NTRK1: variants seen among roughly 807,000 people sequenced by gnomAD.
NTRK1 encodes high affinity nerve growth factor receptor.
NTRK1 carries 62 observed loss-of-function variants against 86.8 expected under a neutral mutation model. The ratio of observed to expected loss-of-function variants is 0.71; its 90% CI spans 0.58 to 0.88. The LOEUF (loss-of-function observed/expected upper bound fraction) is 0.88. NTRK1 is among the 40% of genes least tolerant of loss of function. The pLI is 0.00. For synonymous variants in NTRK1, 469 were observed against 456.6 expected, an observed-to-expected ratio of 1.03 and a Z score of -0.35; for missense variants, 967 against 1,078.4, an observed-to-expected ratio of 0.90 and a Z score of 1.45.
At position 156,876,148 on chromosome 1, in the gene NTRK1, G is replaced by T; in HGVS notation, c.1570G>T (p.Val524Phe). The T allele has an allele frequency of 6.2e-7, 1 of 1,614,174 alleles. No individual in the cohort carries two copies. Among genetic ancestry groups the T allele is most frequent in the Non-Finnish European group, 8.5e-7 (1 of 1,180,024 alleles). The change falls in exon 13 of 17, where the codon GTC becomes TTC. Residue 524 changes from valine to phenylalanine, a missense_variant. By Grantham distance (50) the Val-to-Phe change is conservative. This residue lies in a region of NTRK1 where 637 missense variants were observed against 776.5 expected (regional missense o/e 0.82). Coordinates refer to ENST00000524377, the MANE Select transcript of NTRK1 (RefSeq NM_002529.4). The part of the protein sequence containing the change: ...WELGEGAFGK[V>F]FLAECHNLLP... The stretch of plus-strand genomic sequence containing the variant: ...GCTGGGGGAGGGCGCCTTTGGGAAG[G>T]TCTTCCTTGCTGAGTGCCACAACCT...
upstream of NTRK1, chr1:156,858,554 C>T (rs1655493259): frequency 1.9e-6 from 3 of 1,613,860 alleles, no homozygotes; most frequent in Non-Finnish European, 2.5e-6. Context: ...TGTATCCAGG[C>T]CAAATCCCAA....
chr1:156,827,304 C>G lies in NTRK1; in HGVS notation c.-64+11466C>G, dbSNP rs1303696023. On this transcript the variant is annotated intron_variant, in intron 1 of 16. Coordinates refer to the NTRK1 transcript ENST00000392302. ...TGAGACAGAGTCTCACTCTGTCACC[C>G]AGGCTGGAGTGCAGTGGTGCTATCT... Among the ~76,000 whole-genome samples the G allele has an allele frequency of 2.0e-5, 3 of 151,948 alleles. No individual in the cohort carries two copies. In the East Asian group the frequency reaches 5.8e-4, roughly 29 times the overall value.
Position 156,873,684 on chromosome 1 carries a change from T to C in NTRK1, c.902T>C (p.Ile301Thr). 6.2e-7 allele frequency: 1 copy of C among 1,610,514 alleles called. No homozygotes were observed. Among genetic ancestry groups the C allele is most frequent in the Non-Finnish European group, 8.5e-7 (1 of 1,179,296 alleles). ...GCGGTGGAGATGCACCACTGGTGCA[T>C]CCCCTTCTCTGTGGATGGGCAGCCG... ...HTAVEMHHWC[I>T]PFSVDGQPAP... The change falls in exon 8 of 17, where the codon ATC becomes ACC. Residue 301 changes from isoleucine to threonine, a missense_variant. Ile to Thr is a moderately conservative substitution (Grantham distance 89, BLOSUM62 -1). Coordinates refer to ENST00000524377, the MANE Select transcript of NTRK1 (RefSeq NM_002529.4).
At chr1:156,844,412 C>A in intron 2 of NTRK1, 2 of 1,589,810 alleles carry the variant, frequency 1.3e-6, no homozygotes, top group South Asian at 1.1e-5. Flanking sequence ...GGGCTGGGGA[C>A]CAGGTAGGGC....
At chr1:156,825,539 G>A (rs1654295752) in intron 1 of NTRK1, among the ~76,000 whole-genome samples, 1 of 152,148 alleles carries the variant, frequency 6.6e-6, no homozygotes, top group African/African-American at 2.4e-5. Flanking sequence ...AAACTGATGA[G>A]TTTTAGGTTT....
At chr1:156,816,825 C>T (rs193016330) in intron 1 of NTRK1, 17 of 953,752 alleles carry the variant, frequency 1.8e-5, no homozygotes, top group South Asian at 1.4e-4. Context: ...CAGGAAATGT[C>T]GCCTTACCCA....
chr1:156,846,535 G>A (rs768009620), intron 2 of NTRK1: 19 of 1,613,868 alleles, frequency 1.2e-5, no homozygotes, highest in Non-Finnish European at 1.6e-5. Flanking sequence ...GCAGCGTTCG[G>A]AGGTAGACGA....
intron 1 of NTRK1, chr1:156,841,095 C>G (rs1317815432): frequency 6.4e-7 from 1 of 1,559,916 alleles, no homozygotes; most frequent in Non-Finnish European, 8.7e-7. Context: ...AGCGGCTCAT[C>G]AGCTCCTGCC....
At chr1:156,847,214 A>G (rs1428193748) in intron 2 of NTRK1, among the ~76,000 whole-genome samples, 1 of 152,200 alleles carries the variant, frequency 6.6e-6, no homozygotes, top group South Asian at 2.1e-4. Context: ...CTCCCAAACT[A>G]TAGCAAAGTT....
Position 156,873,694 on chromosome 1 carries a change from T to C in NTRK1, c.912T>C (p.Ser304=). 1 of 1,611,550 alleles carries C rather than the reference T, an allele frequency of 6.2e-7. No individual in the cohort carries two copies. Among genetic ancestry groups the C allele is most frequent in the Non-Finnish European group, 8.5e-7 (1 of 1,179,480 alleles). ...VEMHHWCIPF[S]VDGQPAPSLR... ...TGCACCACTGGTGCATCCCCTTCTC[T>C]GTGGATGGGCAGCCGGCACCGTCTC... The change falls in exon 8 of 17, where the codon TCT becomes TCC. Residue 304 remains serine (S), a synonymous_variant. Transcript: ENST00000524377.
At chr1:156,825,452 CA>C (rs1367564661) in intron 1 of NTRK1, among the ~76,000 whole-genome samples, 2 of 152,178 alleles carry the variant, frequency 1.3e-5, no homozygotes, top group Admixed American at 6.5e-5. Flanking sequence ...TCCAATATAG[CA>C]AGAATAATAT....
intron 16 of NTRK1, 122 bp from the exon 17 acceptor site, chr1:156,881,335 C>T: frequency 2.2e-6 from 2 of 908,328 alleles, no homozygotes; most frequent in Non-Finnish European, 3.3e-6. Context: ...TTATTAGCAG[C>T]TAAGAAGCCC....
In NTRK1 at chr1:156,881,533, G is replaced by C. The variant is rs201891311; in HGVS notation, c.2282G>C (p.Arg761Pro). 6.2e-7 allele frequency: 1 copy of C among 1,603,890 alleles called. No individual in the cohort carries two copies. Among genetic ancestry groups the C allele is most frequent in the Non-Finnish European group, 8.5e-7 (1 of 1,175,526 alleles). ...ACPPEVYAIM[R>P]GCWQREPQQR... ...CCACCAGAGGTCTACGCCATCATGCGGGGCTGCTGGCAGCGGGAGCCCCAG... is the reference window on the plus strand; with the variant it reads ...CCACCAGAGGTCTACGCCATCATGCCGGGCTGCTGGCAGCGGGAGCCCCAG... The change falls in exon 17 of 17, where the codon CGG (arginine) becomes CCG (proline). Residue 761 changes from arginine (R) to proline (P), a missense_variant. Arg to Pro is a moderately radical substitution (Grantham distance 103). Transcript: ENST00000524377.
At chr1:156,869,478 C>T (rs931548193) in intron 6 of NTRK1, among the ~76,000 whole-genome samples, 1 of 152,020 alleles carries the variant, frequency 6.6e-6, no homozygotes, top group Non-Finnish European at 1.5e-5. Context: ...GGTCTTTTTT[C>T]TGGAGATTCT....
intron 1 of NTRK1, among the ~76,000 whole-genome samples, chr1:156,832,592 GGGCATGCA>G (rs1228529487): frequency 6.6e-6 from 1 of 152,126 alleles, no homozygotes; most frequent in African/African-American, 2.4e-5. Context: ...AAGTGAATGA[GGGCATGCA>G]GGCTTAGAGC....
At chr1:156,838,277 G>A (rs991475967) in intron 1 of NTRK1, among the ~76,000 whole-genome samples, 20 of 152,226 alleles carry the variant, frequency 1.3e-4, no homozygotes, top group African/African-American at 4.6e-4. Flanking sequence ...ATTCTCGGGT[G>A]GAAGACCTGC....
chr1:156,830,627 G>C (rs968212194), intron 1 of NTRK1, among the ~76,000 whole-genome samples: 4 of 141,932 alleles, frequency 2.8e-5, no homozygotes, highest in Non-Finnish European at 6.0e-5. Context: ...CGTGATCTCT[G>C]CTCACTGCAA....
At chr1:156,841,940 C>T (rs2102853246) in intron 1 of NTRK1, 1 of 1,548,124 alleles carries the variant, frequency 6.5e-7, no homozygotes, top group Non-Finnish European at 8.9e-7. Context: ...CCTCAGAACT[C>T]ATCCCATCCA....
chr1:156,869,291 G>A (rs990245412), intron 6 of NTRK1, among the ~76,000 whole-genome samples: 19 of 152,008 alleles, frequency 1.2e-4, no homozygotes, highest in Admixed American at 3.3e-4. Context: ...CGTTGGCCAC[G>A]CTGGTCTCAA....
Sources: gnomAD v4.1 joint callset for allele counts (sites outside exome capture counted in the v4.1 genomes callset) on GRCh38, gnomAD v4.1.1 for gene constraint, gnomAD v4.1.1 regional missense constraint, MANE v1.5 for transcripts, NCBI Gene and HGNC (gene_info 2026-07-23, HGNC 2026-07-21) for gene names.